The following CLINT1 variants were observed in gnomAD, a reference collection of about 807,000 sequenced individuals.
CLINT1 encodes clathrin interacting protein localized in the trans-Golgi region.
CLINT1 carries 15 observed loss-of-function variants against 70.4 expected under a neutral mutation model. That is an observed-to-expected ratio of 0.21 (90% confidence interval 0.14 to 0.33). CLINT1 has a LOEUF of 0.33. CLINT1 is among the 10% of genes least tolerant of loss of function. The pLI is 1.00. For missense variants in CLINT1, 615 were observed against 778.1 expected (o/e 0.79, Z 2.49); for synonymous variants, 227 against 254.7 (o/e 0.89, Z 1.04).
At chr5:157,791,532 A>AGTAT in intron 10 of CLINT1, 171 bp downstream of exon 10, 1 of 630,094 alleles carries the variant, frequency 1.6e-6, no homozygotes, top group Non-Finnish European at 2.7e-6. Context: ...GCTAGGGGAG[A>AGTAT]GTATGAGGTA....
At chr5:157,810,001 G>T (rs562535633) in intron 5 of CLINT1, among the ~76,000 whole-genome samples, 196 bp from the exon 6 acceptor site, 18 of 152,300 alleles carry the variant, frequency 1.2e-4, no homozygotes, top group African/African-American at 4.1e-4. Context: ...CAGGAATGCA[G>T]ATTCAAAAGC....
At chr5:157,797,320 A>G (rs754310305) in intron 8 of CLINT1, among the ~76,000 whole-genome samples, 4 of 152,348 alleles carry the variant, frequency 2.6e-5, no homozygotes, top group Admixed American at 6.5e-5. Flanking sequence ...GCTTCATTTA[A>G]GCAGTGAATA....
At chr5:157,846,622 T>G (rs1356977576) in intron 1 of CLINT1, among the ~76,000 whole-genome samples, 1 of 152,242 alleles carries the variant, frequency 6.6e-6, no homozygotes, top group African/African-American at 2.4e-5. Context: ...TGAAAGTGGT[T>G]ACACTAAACA....
intron 1 of CLINT1, among the ~76,000 whole-genome samples, chr5:157,856,132 T>G (rs1753753090): frequency 6.6e-6 from 1 of 152,202 alleles, no homozygotes; most frequent in African/African-American, 2.4e-5. Context: ...AAGTATAACA[T>G]TTATTGATTA....
chr5:157,816,803 T>C lies in CLINT1; in HGVS notation c.174A>G (p.Pro58=). 1 of 1,609,908 alleles carries C rather than the reference T, an allele frequency of 6.2e-7. No individual in the cohort carries two copies. Residue 58 remains proline (P), a synonymous_variant, in exon 3 of 12, where the codon CCA becomes CCG. Coordinates refer to ENST00000411809, the MANE Select transcript of CLINT1 (RefSeq NM_014666.4). The stretch of plus-strand genomic sequence containing the variant: ...GTGACCAAAGCATGTTCATAAGTTC[T>C]GGAAATTGTTCATACATAAATGTAG... The part of the protein sequence containing the change: ...AKATFMYEQF[P]ELMNMLWSRM...
intron 9 of CLINT1, among the ~76,000 whole-genome samples, chr5:157,793,237 G>C (rs1039255866): frequency 1.3e-5 from 2 of 149,340 alleles, no homozygotes; most frequent in African/African-American, 4.9e-5. Flanking sequence ...TTAAGTGACT[G>C]CATTAAGAGT....
intron 1 of CLINT1, among the ~76,000 whole-genome samples, chr5:157,843,073 T>G (rs1008444280): frequency 1.3e-5 from 2 of 152,128 alleles, no homozygotes; most frequent in Non-Finnish European, 2.9e-5. Flanking sequence ...TTATTTGTAT[T>G]TTAGATCCCA....
rs749159159 is a variant in CLINT1, at chr5:157,790,645, C to T, written c.1380+1058G>A. 6.4e-4 allele frequency: 293 copies of T among 455,488 alleles called. 2 individuals carry two copies. Among genetic ancestry groups the T allele is most frequent in the South Asian group, 4.1e-3 (264 of 64,360 alleles). 28.2% of individuals were successfully genotyped at this position (455,488 alleles called of 1,614,324 possible). On this transcript the variant is annotated intron_variant, in intron 10 of 11. Transcript: ENST00000411809. ...TTCCTTCATCCTAATACCCCAAAGA[C>T]GAGAATCTACACATTAAAATGAGTA...
rs147011461 is a variant in CLINT1, at chr5:157,841,509, G to C, written c.41+17421C>G. Among the ~76,000 whole-genome samples the C allele has an allele frequency of 2.8e-3, 431 of 151,996 alleles. 2 individuals carry two copies. The highest frequency in any genetic ancestry group is 9.9e-3 in the African/African-American group (412 of 41,470). ...TGAACCTGGGGAGGCAGAGGTTGCAGTGAGCCAAGATGTACCACTGCATTG... is the reference window on the plus strand; with the variant it reads ...TGAACCTGGGGAGGCAGAGGTTGCACTGAGCCAAGATGTACCACTGCATTG... On this transcript the variant is annotated intron_variant, in intron 1 of 11. Coordinates refer to ENST00000411809, the MANE Select transcript of CLINT1 (RefSeq NM_014666.4).
Position 157,828,712 on chromosome 5 carries a change from G to A in CLINT1, c.42-11165C>T, listed in dbSNP as rs1316582116. Among the ~76,000 whole-genome samples, 4 of 151,950 alleles carry A rather than the reference G, an allele frequency of 2.6e-5. No homozygotes were observed. In the South Asian group the frequency reaches 8.3e-4, roughly 32 times the overall value. ...CAAATTGCTAAAGAAGTATCCCTGG[G>A]CTGATTTAATTTTGCTGGGGATCAC... is the stretch of plus-strand genomic sequence containing the variant. On this transcript the variant is annotated intron_variant, in intron 1 of 11. Transcript: ENST00000411809.
At chr5:157,795,180 A>T in intron 8 of CLINT1, 1 of 539,522 alleles carries the variant, frequency 1.9e-6, no homozygotes, top group South Asian at 2.6e-5. Context: ...TCAGTCCTAT[A>T]TCTAGTAAGA....
chr5:157,787,569 A>C lies in CLINT1; in HGVS notation c.*77T>G, dbSNP rs928806451. 1 of 1,145,554 alleles carries C rather than the reference A, an allele frequency of 8.7e-7. No homozygotes were observed. Among genetic ancestry groups the C allele is most frequent in the Non-Finnish European group, 1.3e-6 (1 of 787,054 alleles). 71.0% of individuals were successfully genotyped at this position (1,145,554 alleles called of 1,614,324 possible). ...TACTTGATAAAAGAAAGGGTAGTTG[A>C]TTAGCATTTTCCATCCCAACATCAC... On this transcript the variant is annotated 3_prime_UTR_variant, in exon 12 of 12. Transcript: ENST00000411809.
At chr5:157,845,744 C>T (rs1168575015) in intron 1 of CLINT1, among the ~76,000 whole-genome samples, 3 of 151,918 alleles carry the variant, frequency 2.0e-5, no homozygotes, top group Non-Finnish European at 4.4e-5. Flanking sequence ...TTAGTAGAGA[C>T]GGGGTTTCAC....
chr5:157,805,827 T>A (rs751893699), intron 7 of CLINT1, 39 bp downstream of exon 7: 1 of 1,607,302 alleles, frequency 6.2e-7, no homozygotes, highest in Non-Finnish European at 8.5e-7. Context: ...TTTATAAAAA[T>A]AAAACCATGT....
intron 3 of CLINT1, among the ~76,000 whole-genome samples, chr5:157,815,308 AAACAACAACC>A (rs1762686629): frequency 6.6e-6 from 1 of 152,048 alleles, no homozygotes; most frequent in Non-Finnish European, 1.5e-5. Flanking sequence ...AAAAACAAAC[AAACAACAACC>A]AACCCCCACC....
At chr5:157,830,614 G>A (rs1190604112) in intron 1 of CLINT1, among the ~76,000 whole-genome samples, 6 of 151,710 alleles carry the variant, frequency 4.0e-5, no homozygotes, top group Non-Finnish European at 7.4e-5. Context: ...GATGGTTCAC[G>A]GCTGTAATCC....
Position 157,852,047 on chromosome 5 carries a change from G to T in CLINT1, c.41+6883C>A, listed in dbSNP as rs369802753. The stretch of plus-strand genomic sequence containing the variant: ...GAATTTGGTATCACATATTTTAGAG[G>T]ATTCTTTTTCTTGATATTGTTCAGT... On this transcript the variant is annotated intron_variant, in intron 1 of 11. Coordinates refer to ENST00000411809, the MANE Select transcript of CLINT1 (RefSeq NM_014666.4). Among the ~76,000 whole-genome samples, 244 of 152,222 alleles carry T rather than the reference G, an allele frequency of 1.6e-3. 2 individuals carry two copies. Among genetic ancestry groups the T allele is most frequent in the African/African-American group, 5.5e-3 (228 of 41,522 alleles).
At chr5:157,811,834 G>A (rs1424211607) in intron 5 of CLINT1, among the ~76,000 whole-genome samples, 2 of 152,160 alleles carry the variant, frequency 1.3e-5, no homozygotes, top group Non-Finnish European at 2.9e-5. Context: ...AACACATTAA[G>A]TTGCTACAAC....
At position 157,828,927 on chromosome 5, in the gene CLINT1, T is replaced by TAA. The variant is rs11379662; in HGVS notation, c.42-11382_42-11381dup. 9.2e-3 allele frequency among the ~76,000 whole-genome samples: 947 copies of TAA among 103,320 alleles called. 21 individuals are homozygous for TAA. Among genetic ancestry groups the TAA allele is most frequent in the African/African-American group, 0.029 (747 of 25,596 alleles). The allele number at this position is 103,320 out of a possible 152,430, so 67.8% of individuals were successfully genotyped here. On this transcript the variant is annotated intron_variant, in intron 1 of 11. Transcript: ENST00000411809. ...AATATGGTGAAACTCTGTCTCTACT[T>TAA]AAAAAAAAAAAAAAAAAAAAAAAAA...
Sources: allele counts gnomAD v4.1 joint callset (sites outside exome capture counted in the v4.1 genomes callset), GRCh38; gene constraint gnomAD v4.1.1; transcripts MANE v1.5; gene names NCBI Gene and HGNC (gene_info 2026-07-23, HGNC 2026-07-21).